The following GPSM1 variants were observed in gnomAD, a reference collection of about 807,000 sequenced individuals.
GPSM1 encodes G protein signaling modulator 1.
In GPSM1, 48 loss-of-function variants were observed where a neutral mutation model predicts 70.5. The observed-to-expected ratio is 0.68, with a 90% CI of 0.54 to 0.87. The LOEUF is 0.87. GPSM1 is among the 40% of genes least tolerant of loss of function. The probability of loss-of-function intolerance (pLI) is 0.00; values close to 1 mark genes in which losing one functional copy is unlikely to be tolerated. For synonymous variants in GPSM1, 416 were observed against 430.1 expected, an observed-to-expected ratio of 0.97 and a Z score of 0.41; for missense variants, 981 against 972.6, an observed-to-expected ratio of 1.01 and a Z score of -0.11.
In GPSM1 at chr9:136,343,483, C is replaced by G. The variant is rs1035700600; in HGVS notation, c.1207+2490C>G. On this transcript the variant is annotated intron_variant, in intron 9 of 13. Transcript: ENST00000440944. This position sits in a 1 kb window ranked among gnomAD's most constrained non-coding sequence, Gnocchi z 6.0. ...TCAGCCCTCCACCGTCTGGGCCCTG[C>G]TCAGGGCGTTGTGAGCACGGTACAC... Among the ~76,000 whole-genome samples, 1 of 152,176 alleles carries G rather than the reference C, an allele frequency of 6.6e-6. No homozygotes were observed. Among genetic ancestry groups the G allele is most frequent in the East Asian group, 1.9e-4 (1 of 5,202 alleles).
chr9:136,335,912 C>T (rs1554769126), intron 2 of GPSM1, 54 bp from the exon 3 acceptor site: 1 of 1,579,306 alleles, frequency 6.3e-7, no homozygotes, highest in Non-Finnish European at 8.6e-7. Context: ...TCCCCCCGGG[C>T]CCAGAGGCCT....
rs1588713656 is a variant in GPSM1 at position 136,358,439 on chromosome 9, T to G, written c.*219T>G. 7 of 568,880 alleles carry G rather than the reference T, an allele frequency of 1.2e-5. No individual in the cohort carries two copies. The East Asian group carries it at 2.2e-4, about 18-fold the overall frequency. 35.2% of individuals were successfully genotyped at this position (568,880 alleles called of 1,614,324 possible). ...CCCCATGGCCCTCAGCTTCCTCCCT[T>G]CTGCCCCTGCCGCAGGCCGGACGGG... is the stretch of plus-strand genomic sequence containing the variant. On this transcript the variant is annotated 3_prime_UTR_variant, in exon 14 of 14. Transcript: ENST00000440944.
chr9:136,333,342 G>C (rs1378766281), intron 1 of GPSM1, among the ~76,000 whole-genome samples: 1 of 152,050 alleles, frequency 6.6e-6, no homozygotes, highest in Non-Finnish European at 1.5e-5. Context: ...CATGTGACCT[G>C]TAAGAGTAGG....
At chr9:136,332,696 G>A (rs1013398735) in intron 1 of GPSM1, among the ~76,000 whole-genome samples, 1 of 152,170 alleles carries the variant, frequency 6.6e-6, no homozygotes, top group Non-Finnish European at 1.5e-5. Flanking sequence ...CATCCGGATG[G>A]CCATTCCCAG....
intron 12 of GPSM1, among the ~76,000 whole-genome samples, chr9:136,356,113 TCTCCTC>T (rs1192650775): frequency 4.2e-5 from 6 of 144,494 alleles, no homozygotes; most frequent in Non-Finnish European, 9.5e-5. Context: ...TCTCCTCCTG[TCTCCTC>T]CTGTCACCCC....
chr9:136,343,502 G>A lies in GPSM1; in HGVS notation c.1207+2509G>A, dbSNP rs570747091. On this transcript the variant is annotated intron_variant, in intron 9 of 13. Coordinates refer to ENST00000440944, the MANE Select transcript of GPSM1 (RefSeq NM_001145638.3). The surrounding 1 kb of genome is among the most constrained non-coding windows in gnomAD (Gnocchi z 6.0). Reference sequence around the variant, plus strand: ...GCCCTGCTCAGGGCGTTGTGAGCACGGTACACAAGAGTTACTGGGGGAGCA... The same window carrying A: ...GCCCTGCTCAGGGCGTTGTGAGCACAGTACACAAGAGTTACTGGGGGAGCA... Among the ~76,000 whole-genome samples, 5 of 152,228 alleles carry A rather than the reference G, an allele frequency of 3.3e-5. No homozygotes were observed. The highest frequency in any genetic ancestry group is 5.9e-5 in the Non-Finnish European group (4 of 68,028).
At chr9:136,354,055 G>A (rs545066577) in intron 11 of GPSM1, among the ~76,000 whole-genome samples, 1 of 152,276 alleles carries the variant, frequency 6.6e-6, no homozygotes, top group African/African-American at 2.4e-5. Flanking sequence ...GCCCTGCGGG[G>A]AGAAGGGGGT....
intron 1 of GPSM1, among the ~76,000 whole-genome samples, chr9:136,332,438 G>A (rs1175100478): frequency 2.6e-5 from 4 of 152,372 alleles, no homozygotes; most frequent in Admixed American, 2.6e-4. Flanking sequence ...GGAGGCGGGA[G>A]GTGGCTCCCA....
At chr9:136,337,135 C>T in intron 4 of GPSM1, 63 bp downstream of exon 4, 1 of 1,404,722 alleles carries the variant, frequency 7.1e-7, no homozygotes, top group Non-Finnish European at 9.6e-7. Context: ...GCTCCACAGA[C>T]ACTTCCAGAC....
In GPSM1 at chr9:136,338,838, AACGCC is replaced by A. The variant is rs1427165220; in HGVS notation, c.974+131_974+135del. 3.1e-6 allele frequency: 3 copies of A among 966,076 alleles called. No homozygotes were observed. In the South Asian group the frequency reaches 5.0e-5, roughly 16 times the overall value. The allele number at this position is 966,076 out of a possible 1,614,324, so 59.8% of individuals were successfully genotyped here. A position where few individuals can be genotyped will look rare whatever the true frequency, so the allele number is the denominator to read the frequency against. On this transcript the variant is annotated intron_variant, in intron 7 of 13. Transcript: ENST00000440944. ...GACCATGCTGTGACCCAGGAGTGGC[AACGCC>A]ACTGTGGGGACTGAGCCAGACAGTG...
intron 11 of GPSM1, among the ~76,000 whole-genome samples, chr9:136,354,466 AC>A (rs1425165782): frequency 3.4e-5 from 5 of 148,272 alleles, no homozygotes; most frequent in Admixed American, 2.6e-4. Context: ...TGCCATCTCC[AC>A]CAACATTGCG....
At chr9:136,329,412 G>A (rs1328607314) in intron 1 of GPSM1, among the ~76,000 whole-genome samples, 5 of 152,230 alleles carry the variant, frequency 3.3e-5, no homozygotes, top group African/African-American at 7.2e-5. Context: ...TGGAAGCTGC[G>A]GGCCAGACGG....
At chr9:136,350,749 T>G (rs1832639967) in intron 11 of GPSM1, among the ~76,000 whole-genome samples, 1 of 152,194 alleles carries the variant, frequency 6.6e-6, no homozygotes, top group South Asian at 2.1e-4. Flanking sequence ...CAGCGCAGCC[T>G]GGGCGCCACC....
At position 136,358,379 on chromosome 9, in the gene GPSM1, C is replaced by G; in HGVS notation, c.*159C>G. 4 of 690,802 alleles carry G rather than the reference C, an allele frequency of 5.8e-6. No individual in the cohort carries two copies. Among genetic ancestry groups the G allele is most frequent in the South Asian group, 1.8e-5 (1 of 55,182 alleles). The allele number at this position is 690,802 out of a possible 1,614,324, so 42.8% of individuals were successfully genotyped here. On this transcript the variant is annotated 3_prime_UTR_variant, in exon 14 of 14. Coordinates refer to ENST00000440944, the MANE Select transcript of GPSM1 (RefSeq NM_001145638.3). ...GGCGACAGGCTCAGGCCAAGCTGCC[C>G]GTGGTGGGAGGGCGTGCTTCCATCC...
chr9:136,345,627 C>A lies in GPSM1; in HGVS notation c.1208-3070C>A, dbSNP rs147765623. ...TGCCGGGCCCAGGACCCGGAGGATGCGGTGGGGAAACCAACTTAGGCCCCC... is the reference window on the plus strand; with the variant it reads ...TGCCGGGCCCAGGACCCGGAGGATGAGGTGGGGAAACCAACTTAGGCCCCC... On this transcript the variant is annotated intron_variant, in intron 9 of 13. Transcript: ENST00000440944. Among the ~76,000 whole-genome samples, 983 of 152,280 alleles carry A rather than the reference C, an allele frequency of 6.5e-3. 14 individuals are homozygous for A. The highest frequency in any genetic ancestry group is 0.037 in the Middle Eastern group (11 of 294).
chr9:136,334,671 G>A lies in GPSM1; in HGVS notation c.290+3G>A, dbSNP rs782205368. On this transcript the variant is annotated splice_donor_region_variant and intron_variant, in intron 2 of 13. Coordinates refer to ENST00000440944, the MANE Select transcript of GPSM1 (RefSeq NM_001145638.3). ...AAGCATGACCTCCTGCTGGCGCGGTGAGTGGGGACGGTCCTGCTGGCGGGT... is the reference window on the plus strand; with the variant it reads ...AAGCATGACCTCCTGCTGGCGCGGTAAGTGGGGACGGTCCTGCTGGCGGGT... 11 of 1,606,210 alleles carry A rather than the reference G, an allele frequency of 6.8e-6. No homozygotes were observed. In the Admixed American group the frequency reaches 1.7e-4, roughly 24 times the overall value.
intron 1 of GPSM1, 55 bp downstream of exon 1, chr9:136,327,818 G>C (rs1226144133): frequency 2.8e-6 from 2 of 710,816 alleles, no homozygotes; most frequent in Non-Finnish European, 1.9e-6. Context: ...ACCGGGCCGG[G>C]TCGGGACGCG....
rs112024031 is a variant in GPSM1, at chr9:136,341,366, A to AGGGCT, written c.1207+400_1207+404dup. 7.6e-5 allele frequency: 107 copies of AGGGCT among 1,409,538 alleles called. No individual in the cohort carries two copies. The highest frequency in any genetic ancestry group is 3.0e-4 in the Admixed American group (10 of 32,902). The allele number at this position is 1,409,538 out of a possible 1,614,324, so 87.3% of individuals were successfully genotyped here. On this transcript the variant is annotated intron_variant, in intron 9 of 13. Coordinates refer to ENST00000440944, the MANE Select transcript of GPSM1 (RefSeq NM_001145638.3). This position sits in a 1 kb window ranked among gnomAD's most constrained non-coding sequence, Gnocchi z 6.7. ...TGGGAGGCGAGAGGGCATCAGCCAG[A>AGGGCT]GGGCTGGGCTGGGCTGGGCTGGGCT...
Position 136,335,585 on chromosome 9 carries a change from G to A in GPSM1, c.291-381G>A, listed in dbSNP as rs139947829. Among the ~76,000 whole-genome samples the A allele has an allele frequency of 1.5e-3, 234 of 152,268 alleles. 1 individual carries two copies. Among genetic ancestry groups the A allele is most frequent in the Middle Eastern group, 6.8e-3 (2 of 294 alleles). ...CATGCACCAAACGTCCTCTGAATGA[G>A]TTAGCAGGAAGTTAGTTCTCCACCA... On this transcript the variant is annotated intron_variant, in intron 2 of 13. Transcript: ENST00000440944.
Sources: gnomAD v4.1 joint callset for allele counts (sites outside exome capture counted in the v4.1 genomes callset) on GRCh38, gnomAD v4.1.1 for gene constraint, Gnocchi (gnomAD v3.1) non-coding constraint, MANE v1.5 for transcripts, NCBI Gene and HGNC (gene_info 2026-07-23, HGNC 2026-07-21) for gene names.